The following NRXN1 variants were observed in gnomAD, a reference collection of about 807,000 sequenced individuals.
NRXN1 encodes neurexin 1.
A neutral mutation model predicts 150.9 loss-of-function variants in NRXN1; 39 were observed. The ratio of observed to expected loss-of-function variants is 0.26; its 90% confidence interval spans 0.20 to 0.34. The LOEUF (loss-of-function observed/expected upper bound fraction) is 0.34, where lower values mean the gene tolerates loss of function less well. Among genes scored for constraint, NRXN1 ranks in the 10% least tolerant of loss-of-function variants. The pLI, the probability that NRXN1 is intolerant of heterozygous loss-of-function variation, is 1.00. For missense variants in NRXN1, 1,815 were observed against 1,949.9 expected (o/e 0.93, Z 1.30); for synonymous variants, 924 against 757.0 (o/e 1.22, Z -3.62).
chr2:50,758,467 A>AAAAC lies in NRXN1; in HGVS notation c.833-134856_833-134853dup, dbSNP rs893748390. ...TATCTTCCTTCTTATAAGCTATTTA[A>AAAAC]AAACAAACAAACAAACAAACAAACA... is the stretch of plus-strand genomic sequence containing the variant. On this transcript the variant is annotated intron_variant, in intron 5 of 22. Transcript: ENST00000401669. 1.1e-3 allele frequency among the ~76,000 whole-genome samples: 168 copies of AAAAC among 151,962 alleles called. 1 individual carries two copies. The highest frequency in any genetic ancestry group is 2.3e-3 in the East Asian group (12 of 5,132).
chr2:50,110,351 G>T (rs1702213277), intron 18 of NRXN1, among the ~76,000 whole-genome samples: 1 of 152,078 alleles, frequency 6.6e-6, no homozygotes, highest in Middle Eastern at 3.4e-3. Flanking sequence ...AAATAGCCGG[G>T]TGTCGTGGCA....
rs1165554674 is a variant in NRXN1 at position 50,436,499 on chromosome 2, T to G, written c.3364+28943A>C. ...CAAAGAAGTGTTTAACACAATTTAC[T>G]GCTTTAAAAATGATTTTACATTGAT... On this transcript the variant is annotated intron_variant, in intron 17 of 22. Coordinates refer to ENST00000401669, the MANE Select transcript of NRXN1 (RefSeq NM_001330078.2). Among the ~76,000 whole-genome samples, 3 of 152,170 alleles carry G rather than the reference T, an allele frequency of 2.0e-5. No individual in the cohort carries two copies. In the East Asian group the frequency reaches 5.8e-4, roughly 29 times the overall value.
At chr2:50,931,157 C>T (rs1340584382) in intron 2 of NRXN1, among the ~76,000 whole-genome samples, 4 of 152,066 alleles carry the variant, frequency 2.6e-5, no homozygotes, top group African/African-American at 7.2e-5. Context: ...GGTGAACTCC[C>T]ACTAATAAGA....
chr2:50,241,200 A>T (rs2065966728), intron 17 of NRXN1, among the ~76,000 whole-genome samples: 1 of 148,758 alleles, frequency 6.7e-6, no homozygotes, highest in African/African-American at 2.5e-5. Flanking sequence ...CTAGCATAGT[A>T]AGATTTATAG....
At chr2:50,720,257 A>T (rs1190415743) in intron 5 of NRXN1, among the ~76,000 whole-genome samples, 1 of 152,106 alleles carries the variant, frequency 6.6e-6, no homozygotes, top group African/African-American at 2.4e-5. Context: ...TTCATTTTCG[A>T]AACTCCCACA....
At chr2:50,898,375 T>A (rs1041217414) in intron 5 of NRXN1, among the ~76,000 whole-genome samples, 3 of 152,192 alleles carry the variant, frequency 2.0e-5, no homozygotes, top group African/African-American at 7.2e-5. Context: ...CTGGCTTCTA[T>A]CTGTAGCCCT....
At chr2:50,849,609 T>C (rs1674209282) in intron 5 of NRXN1, among the ~76,000 whole-genome samples, 2 of 151,902 alleles carry the variant, frequency 1.3e-5, no homozygotes, top group African/African-American at 4.8e-5. Context: ...CACAGTTCAG[T>C]TCTCTCTCTC....
intron 5 of NRXN1, among the ~76,000 whole-genome samples, chr2:50,868,141 TTATATATA>T (rs70958631): frequency 0.067 from 5,796 of 87,006 alleles, 375 homozygotes; most frequent in African/African-American, 0.099. Flanking sequence ...AAACAAAATA[TTATATATA>T]TATATATATA....
intron 2 of NRXN1, among the ~76,000 whole-genome samples, chr2:50,987,585 G>A (rs1490251734): frequency 6.6e-6 from 1 of 151,892 alleles, no homozygotes; most frequent in Non-Finnish European, 1.5e-5. Context: ...CAAGAAAAAG[G>A]CCTCAAATCA....
rs1407597146 is a variant in NRXN1 at position 50,921,899 on chromosome 2, G to A, written c.821-19C>T. The A allele has an allele frequency of 1.4e-6, 2 of 1,392,040 alleles. No homozygotes were observed. Among genetic ancestry groups the A allele is most frequent in the Non-Finnish European group, 1.9e-6 (2 of 1,042,250 alleles). The allele number at this position is 1,392,040 out of a possible 1,614,324, so 86.2% of individuals were successfully genotyped here. A position where few individuals can be genotyped will look rare whatever the true frequency, so the allele number is the denominator to read the frequency against. ...CTTTTACCTATGGATTTGATGAAAT[G>A]GGTCCATGAAGAAAGGGTTTCCAGA... On this transcript the variant is annotated intron_variant, in intron 4 of 22. Transcript: ENST00000401669.
chr2:49,927,086 C>G (rs1669239952), intron 22 of NRXN1, among the ~76,000 whole-genome samples: 1 of 152,180 alleles, frequency 6.6e-6, no homozygotes, highest in South Asian at 2.1e-4. Context: ...GGACTTTTTG[C>G]CTCATGGGTT....
chr2:50,562,787 A>G (rs1429402852), intron 8 of NRXN1, among the ~76,000 whole-genome samples: 1 of 152,086 alleles, frequency 6.6e-6, no homozygotes, highest in African/African-American at 2.4e-5. Flanking sequence ...ATTATTACAT[A>G]TATGAGATTC....
chr2:50,385,381 T>G (rs1402840979), intron 17 of NRXN1, among the ~76,000 whole-genome samples: 1 of 152,212 alleles, frequency 6.6e-6, no homozygotes, highest in East Asian at 1.9e-4. Context: ...CACAGCATAG[T>G]TAACTTACTC....
chr2:49,968,800 A>G (rs1304869203), intron 21 of NRXN1, among the ~76,000 whole-genome samples: 2 of 152,070 alleles, frequency 1.3e-5, no homozygotes, highest in Admixed American at 1.3e-4. Flanking sequence ...TATATTAAGT[A>G]ATGCTATAGG....
intron 17 of NRXN1, among the ~76,000 whole-genome samples, chr2:50,398,577 A>C (rs1572826977): frequency 6.6e-6 from 1 of 152,272 alleles, no homozygotes; most frequent in East Asian, 1.9e-4. Context: ...ATAATTTATT[A>C]TAGCAGATAA....
At chr2:50,736,869 C>T (rs1698823230) in intron 5 of NRXN1, among the ~76,000 whole-genome samples, 1 of 152,138 alleles carries the variant, frequency 6.6e-6, no homozygotes, top group Non-Finnish European at 1.5e-5. Context: ...TTACTAGACC[C>T]TCAAGTCTAA....
At chr2:50,331,052 T>A (rs1178756619) in intron 17 of NRXN1, among the ~76,000 whole-genome samples, 1 of 152,202 alleles carries the variant, frequency 6.6e-6, no homozygotes, top group Non-Finnish European at 1.5e-5. Context: ...TAATGTCATT[T>A]TTTAAAGAAA....
At chr2:50,764,592 A>AT (rs1702180000) in intron 5 of NRXN1, among the ~76,000 whole-genome samples, 1 of 151,938 alleles carries the variant, frequency 6.6e-6, no homozygotes, top group Non-Finnish European at 1.5e-5. Flanking sequence ...CGTTATACCC[A>AT]TTTTGTAGAT....
chr2:50,428,393 C>T (rs1209474073), intron 17 of NRXN1, among the ~76,000 whole-genome samples: 3 of 152,040 alleles, frequency 2.0e-5, no homozygotes, highest in East Asian at 1.9e-4. Flanking sequence ...CCAGCCTGGG[C>T]GACAGAGCGA....
Sources: gnomAD v4.1 joint callset for allele counts (sites outside exome capture counted in the v4.1 genomes callset) on GRCh38, gnomAD v4.1.1 for gene constraint, MANE v1.5 for transcripts, NCBI Gene and HGNC (gene_info 2026-07-23, HGNC 2026-07-21) for gene names.